LRRC19: variants seen among roughly 807,000 people sequenced by gnomAD.
The protein encoded by LRRC19 is leucine rich repeat containing 19.
LRRC19 carries 33 observed loss-of-function variants against 33.3 expected under a neutral mutation model. That is an observed-to-expected ratio of 0.99 (90% CI 0.75 to 1.33). LRRC19 has a LOEUF of 1.33. LRRC19 is among the 40% of genes most tolerant of loss of function. LRRC19 has a pLI of 0.00. For missense variants in LRRC19, 463 were observed against 417.3 expected, an observed-to-expected ratio of 1.11 and a Z score of -0.95; for synonymous variants, 184 against 152.3, an observed-to-expected ratio of 1.21 and a Z score of -1.53.
chr9:27,002,688 A>G (rs1484917962), intron 1 of LRRC19, among the ~76,000 whole-genome samples: 2 of 152,150 alleles, frequency 1.3e-5, no homozygotes, highest in African/African-American at 2.4e-5. Flanking sequence ...TTTGGTTACT[A>G]TAGCTTTGTA....
At position 26,997,769 on chromosome 9, in the gene LRRC19, A is replaced by G. The variant is rs1423597113; in HGVS notation, c.554T>C (p.Phe185Ser). Residue 185 changes from phenylalanine (F) to serine (S), a missense_variant, in exon 3 of 5, where the codon TTT becomes TCT. Transcript: ENST00000380055. ...GNLWNCSCSL[F>S]NLQNWLNTSN... is the part of the protein sequence containing the mutation. ...TGTGTTCAACCAGTTCTGCAAATTA[A>G]ATAGACTGCAAGAGCAGTTCCATAG... is the stretch of plus-strand genomic sequence containing the variant. 1 of 1,611,336 alleles carries G rather than the reference A, an allele frequency of 6.2e-7. No homozygotes were observed. Among genetic ancestry groups the G allele is most frequent in the African/African-American group, 1.3e-5 (1 of 74,756 alleles).
At position 26,998,047 on chromosome 9, in the gene LRRC19, A is replaced by G. The variant is rs1379213569; in HGVS notation, c.276T>C (p.Gly92=). ...TTTCTAGACTGGAGAGGTTACCAAA[A>G]CCGTTATTATGTAAGATAGTAACCT... The part of the protein sequence containing the change: ...ENKVTILHNN[G]FGNLSSLEIL... The change falls in exon 3 of 5, where the codon GGT becomes GGC. Residue 92 remains glycine (G), a synonymous_variant. Coordinates refer to ENST00000380055, the MANE Select transcript of LRRC19 (RefSeq NM_022901.3). The G allele has an allele frequency of 1.2e-6, 2 of 1,613,584 alleles. No individual in the cohort carries two copies. The highest frequency in any genetic ancestry group is 1.3e-5 in the African/African-American group (1 of 75,018).
rs1828087460 is a variant in LRRC19 at position 26,995,351 on chromosome 9, G to C, written c.*170C>G. The C allele has an allele frequency of 1.9e-6, 1 of 539,980 alleles. No individual in the cohort carries two copies. The highest frequency in any genetic ancestry group is 3.3e-6 in the Non-Finnish European group (1 of 302,232). 33.4% of individuals were successfully genotyped at this position (539,980 alleles called of 1,614,324 possible). A position where few individuals can be genotyped will look rare whatever the true frequency, so the allele number is the denominator to read the frequency against. On this transcript the variant is annotated 3_prime_UTR_variant, in exon 5 of 5. Transcript: ENST00000380055. ...CCGAGGAGTGTCAGTTACTGTATTTGAACCTGCTTGCTCAATATAATGCAA... is the reference window on the plus strand; with the variant it reads ...CCGAGGAGTGTCAGTTACTGTATTTCAACCTGCTTGCTCAATATAATGCAA...
chr9:26,998,902 G>C (rs1179251485), intron 2 of LRRC19, among the ~76,000 whole-genome samples: 1 of 152,164 alleles, frequency 6.6e-6, no homozygotes, highest in East Asian at 1.9e-4. Context: ...GCTGAGGCAG[G>C]ATAATCGCTT....
intron 1 of LRRC19, 31 bp from the exon 2 acceptor site, chr9:26,999,734 A>C: frequency 7.4e-7 from 1 of 1,359,532 alleles, no homozygotes; most frequent in Non-Finnish European, 1.0e-6. Context: ...TTCATTAAGG[A>C]CATTTTTATT....
Position 26,995,803 on chromosome 9 carries a change from A to G in LRRC19, c.831T>C (p.Val277=). ...GKSWAFLVGV[V]VTVLTTSLLI... is the part of the protein sequence containing the mutation. ...GAAGTGAAGTCGTCAGTACAGTGAC[A>G]ACAACACCAACAAGAAAAGCCCAAC... Residue 277 remains valine, a synonymous_variant, in exon 5 of 5, where the codon GTT becomes GTC. Transcript: ENST00000380055. 1 of 1,609,410 alleles carries G rather than the reference A, an allele frequency of 6.2e-7. No individual in the cohort carries two copies. Among genetic ancestry groups the G allele is most frequent in the Non-Finnish European group, 8.5e-7 (1 of 1,177,678 alleles).
At chr9:26,997,354 G>A (rs1253153024) in intron 3 of LRRC19, among the ~76,000 whole-genome samples, 7 of 108,946 alleles carry the variant, frequency 6.4e-5, no homozygotes, top group Non-Finnish European at 1.1e-4. Context: ...TTTTTTTTGA[G>A]ACAGAGTCTC....
chr9:27,002,288 T>C (rs1188487814), intron 1 of LRRC19, among the ~76,000 whole-genome samples: 1 of 152,250 alleles, frequency 6.6e-6, no homozygotes, highest in Non-Finnish European at 1.5e-5. Flanking sequence ...TGTGCCACTT[T>C]CATGCGGGTC....
At position 27,001,211 on chromosome 9, in the gene LRRC19, G is replaced by A. The variant is rs569407806; in HGVS notation, c.-9-1508C>T. On this transcript the variant is annotated intron_variant, in intron 1 of 4. Coordinates refer to ENST00000380055, the MANE Select transcript of LRRC19 (RefSeq NM_022901.3). ...TTTTTTAATCCATTCATCTGTTGATGGGCACTTAGGTTGATTCCATAGTTT... is the reference window on the plus strand; with the variant it reads ...TTTTTTAATCCATTCATCTGTTGATAGGCACTTAGGTTGATTCCATAGTTT... Among the ~76,000 whole-genome samples, 19 of 152,036 alleles carry A rather than the reference G, an allele frequency of 1.2e-4. 1 individual carries two copies. In the South Asian group the frequency reaches 3.7e-3, roughly 30 times the overall value.
chr9:26,998,208 T>G lies in LRRC19; in HGVS notation c.115A>C (p.Thr39Pro). Residue 39 changes from threonine to proline, a missense_variant, in exon 3 of 5, where the codon ACC (threonine) becomes CCC (proline). Physicochemically the swap from Thr to Pro is conservative, Grantham distance 38. Transcript: ENST00000380055. ...TTCTTGATATCTGCTGGAATCAAGG[T>G]ATAATTTTTTTCAGTAAAATTACAT... ...VQCNFTEKNY[T>P]LIPADIKKDV... The G allele has an allele frequency of 6.6e-7, 1 of 1,508,360 alleles. No individual in the cohort carries two copies. The highest frequency in any genetic ancestry group is 8.9e-7 in the Non-Finnish European group (1 of 1,121,434). The allele number at this position is 1,508,360 out of a possible 1,614,324, so 93.4% of individuals were successfully genotyped here.
Position 26,996,453 on chromosome 9 carries a change from G to A in LRRC19, c.642C>T (p.Ser214=). 1.3e-6 allele frequency: 2 copies of A among 1,550,954 alleles called. No individual in the cohort carries two copies. Among genetic ancestry groups the A allele is most frequent in the Admixed American group, 1.8e-5 (1 of 55,764 alleles). Residue 214 remains serine (S), a synonymous_variant, in exon 4 of 5, where the codon AGC becomes AGT. Coordinates refer to ENST00000380055, the MANE Select transcript of LRRC19 (RefSeq NM_022901.3). ...TMCSYPNSLQ[S]YNIKTVPHKA... is the part of the protein sequence containing the mutation. The stretch of plus-strand genomic sequence containing the variant: ...TATGAGGTACTGTTTTGATATTGTA[G>A]CTCTGCAGGCTGTTGGGGTAGCTAC...
chr9:26,998,178 C>A lies in LRRC19; in HGVS notation c.145G>T (p.Val49Phe). The change falls in exon 3 of 5, where the codon GTT (valine) becomes TTT (phenylalanine). Residue 49 changes from valine (V) to phenylalanine (F), a missense_variant. By Grantham distance (50) the Val-to-Phe change is conservative. Transcript: ENST00000380055. The stretch of plus-strand genomic sequence containing the variant: ...TTATAACTGAGATCAAGTATAGTAA[C>A]ATCTTTCTTGATATCTGCTGGAATC... ...TLIPADIKKD[V>F]TILDLSYNQI... 1 of 1,574,346 alleles carries A rather than the reference C, an allele frequency of 6.4e-7. No homozygotes were observed.
In LRRC19 at chr9:26,995,455, C is replaced by T; in HGVS notation, c.*66G>A. ...AGCTGTATTTTGTTATGTCACATAG[C>T]AAAATCTCCATATCTAAACTGAGTG... On this transcript the variant is annotated 3_prime_UTR_variant, in exon 5 of 5. Transcript: ENST00000380055. 1.1e-6 allele frequency: 1 copy of T among 921,166 alleles called. No homozygotes were observed. Among genetic ancestry groups the T allele is most frequent in the Non-Finnish European group, 1.6e-6 (1 of 619,384 alleles). 57.1% of individuals were successfully genotyped at this position (921,166 alleles called of 1,614,324 possible).
rs1827996254 is a variant in LRRC19, at chr9:26,993,737, A to G, written c.*1784T>C. ...CATACACAACATACACAGAAGTAGC[A>G]TATTATACCCTTATTTAGCTCCCAG... On this transcript the variant is annotated 3_prime_UTR_variant, in exon 5 of 5. Transcript: ENST00000380055. 6.6e-6 allele frequency: 1 copy of G among 152,208 alleles called. No homozygotes were observed. Among genetic ancestry groups the G allele is most frequent in the Non-Finnish European group, 1.5e-5 (1 of 68,024 alleles). The allele number at this position is 152,208 out of a possible 1,614,324, so 9.4% of individuals were successfully genotyped here. A position where few individuals can be genotyped will look rare whatever the true frequency, so the allele number is the denominator to read the frequency against.
chr9:27,001,486 T>C (rs1828487968), intron 1 of LRRC19, among the ~76,000 whole-genome samples: 1 of 152,204 alleles, frequency 6.6e-6, no homozygotes, highest in Non-Finnish European at 1.5e-5. Flanking sequence ...CCTGTCATAT[T>C]GATAGAAGCT....
intron 2 of LRRC19, 75 bp downstream of exon 2, chr9:26,999,539 C>T (rs1828360202): frequency 4.6e-6 from 5 of 1,088,278 alleles, no homozygotes; most frequent in African/African-American, 1.6e-5. Flanking sequence ...TTCTTATTGC[C>T]CTTTTATATT....
chr9:26,998,445 A>G (rs930952518), intron 2 of LRRC19, among the ~76,000 whole-genome samples: 6 of 152,176 alleles, frequency 3.9e-5, no homozygotes, highest in African/African-American at 1.2e-4. Context: ...TGATACATAC[A>G]ATTGAACAAA....
At chr9:27,001,468 C>T (rs536528259) in intron 1 of LRRC19, among the ~76,000 whole-genome samples, 1 of 152,156 alleles carries the variant, frequency 6.6e-6, no homozygotes, top group East Asian at 1.9e-4. Flanking sequence ...CACCAGCATC[C>T]GTTATTGCCT....
chr9:27,005,363 C>CCCCCCCCCCCCCA (rs1828720313), intron 1 of LRRC19, among the ~76,000 whole-genome samples: 1 of 99,076 alleles, frequency 1.0e-5, no homozygotes. Context: ...CCCCCCCCGC[C>CCCCCCCCCCCCCA]CCCCGCAAAA....
Sources: gnomAD v4.1 joint callset for allele counts (sites outside exome capture counted in the v4.1 genomes callset) on GRCh38, gnomAD v4.1.1 for gene constraint, MANE v1.5 for transcripts, NCBI Gene and HGNC (gene_info 2026-07-23, HGNC 2026-07-21) for gene names.